The following ZCWPW1 variants were observed in gnomAD, a reference collection of about 807,000 sequenced individuals.
ZCWPW1 encodes zinc finger CW-type PWWP domain protein 1.
ZCWPW1 carries 56 observed loss-of-function variants against 81.3 expected under a neutral mutation model. The ratio of observed to expected loss-of-function variants is 0.69; its 90% CI spans 0.56 to 0.86. The LOEUF is 0.86. Ranked by LOEUF, ZCWPW1 falls within the 40% of genes least tolerant of loss-of-function variation. The pLI, the probability that ZCWPW1 is intolerant of heterozygous loss-of-function variation, is 0.00. For missense variants in ZCWPW1, 650 were observed against 769.8 expected (o/e 0.84, Z 1.84); for synonymous variants, 250 against 273.7 (o/e 0.91, Z 0.86).
At chr7:100,427,171 TCCTTCCCTCCCTCCTTCCTTCCTCCC>T (rs749857311) in intron 1 of ZCWPW1, among the ~76,000 whole-genome samples, 226 of 14,560 alleles carry the variant, frequency 0.016, 21 homozygotes, top group African/African-American at 0.026. Context: ...CTCTCTCTTC[TCCTTCCCTCCCTCCTTCCTTCCTCCC>T]CCTTCCCTCC....
At chr7:100,408,769 G>C (rs909458501) in intron 9 of ZCWPW1, 110 bp from the exon 10 acceptor site, 25 of 1,302,920 alleles carry the variant, frequency 1.9e-5, no homozygotes, top group Admixed American at 5.1e-5. Flanking sequence ...CAGCAGGTGG[G>C]ACCAAAGGGG....
intron 8 of ZCWPW1, 26 bp downstream of exon 8, chr7:100,415,949 A>G: frequency 6.2e-7 from 1 of 1,613,696 alleles, no homozygotes; most frequent in Non-Finnish European, 8.5e-7. Flanking sequence ...CAGGCCAAGT[A>G]GGTTTGCCAA....
Position 100,401,181 on chromosome 7 carries a change from G to T in ZCWPW1, c.1783C>A (p.Pro595Thr). Residue 595 changes from proline (P) to threonine (T), a missense_variant, in exon 18 of 18, where the codon CCC becomes ACC. Physicochemically the swap from Pro to Thr is conservative, Grantham distance 38. Coordinates refer to ENST00000684423, the MANE Select transcript of ZCWPW1 (RefSeq NM_001386010.1). ...SAKEEPRHRE[P>T]LTQEAGSVPL... ...ACACTTCCAGCCTCCTGGGTCAGGG[G>T]TTCCCGGTGTCTGGGCTCTTCTTTC... 2 of 1,614,228 alleles carry T rather than the reference G, an allele frequency of 1.2e-6. No homozygotes were observed. The highest frequency in any genetic ancestry group is 1.7e-6 in the Non-Finnish European group (2 of 1,180,032).
chr7:100,417,174 G>C lies in ZCWPW1; in HGVS notation c.371C>G (p.Ser124Cys). 6.2e-7 allele frequency: 1 copy of C among 1,613,016 alleles called. No individual in the cohort carries two copies. The change falls in exon 6 of 18, where the codon TCT (serine) becomes TGT (cysteine). Residue 124 changes from serine to cysteine, a missense_variant. Coordinates refer to ENST00000684423, the MANE Select transcript of ZCWPW1 (RefSeq NM_001386010.1). ...KSLQECLGMGSGLDFAETSCA... is the reference protein window; with the variant it reads ...KSLQECLGMGCGLDFAETSCA... Reference sequence around the variant, plus strand: ...AGAAGTCTCTGCAAAATCAAGGCCAGATCCCATCCCTCCCAAAACAAAATA... The same window carrying C: ...AGAAGTCTCTGCAAAATCAAGGCCACATCCCATCCCTCCCAAAACAAAATA...
chr7:100,419,153 TCTC>T lies in ZCWPW1; in HGVS notation c.316_318del (p.Glu106del). On this transcript the variant is annotated inframe_deletion, in exon 5 of 18. Coordinates refer to ENST00000684423, the MANE Select transcript of ZCWPW1 (RefSeq NM_001386010.1). The stretch of plus-strand genomic sequence containing the variant: ...GACTTCTGCAGAACAATCTGGACAA[TCTC>T]CTCAAATTCTGCATTGGTAAGACTT... The T allele has an allele frequency of 6.2e-7, 1 of 1,612,974 alleles. No individual in the cohort carries two copies. Among genetic ancestry groups the T allele is most frequent in the Non-Finnish European group, 8.5e-7 (1 of 1,179,534 alleles).
chr7:100,418,340 C>T (rs1048050819), intron 5 of ZCWPW1, among the ~76,000 whole-genome samples: 1 of 152,088 alleles, frequency 6.6e-6, no homozygotes, highest in Non-Finnish European at 1.5e-5. Context: ...TACATGGAAA[C>T]GAATTTTAAC....
chr7:100,416,231 C>A, intron 7 of ZCWPW1, 74 bp downstream of exon 7: 2 of 1,592,566 alleles, frequency 1.3e-6, no homozygotes, highest in South Asian at 2.2e-5. Context: ...TCTCAGCCTG[C>A]CCATGGTCCC....
intron 13 of ZCWPW1, among the ~76,000 whole-genome samples, chr7:100,404,586 C>T (rs1022130566): frequency 6.6e-6 from 1 of 152,158 alleles, no homozygotes; most frequent in Non-Finnish European, 1.5e-5. Flanking sequence ...TCTTGAACTC[C>T]TGGACTCAAT....
At chr7:100,418,250 C>T (rs1287111004) in intron 5 of ZCWPW1, among the ~76,000 whole-genome samples, 1 of 152,186 alleles carries the variant, frequency 6.6e-6, no homozygotes, top group Non-Finnish European at 1.5e-5. Context: ...GTATTAGAAA[C>T]TGAAATTTGC....
At chr7:100,413,300 G>A (rs537442988) in intron 8 of ZCWPW1, among the ~76,000 whole-genome samples, 8 of 152,148 alleles carry the variant, frequency 5.3e-5, no homozygotes, top group Non-Finnish European at 1.0e-4. Context: ...CCAGAGCCAC[G>A]TTCCCAACTT....
intron 8 of ZCWPW1, among the ~76,000 whole-genome samples, chr7:100,414,089 A>G (rs1794719567): frequency 6.6e-6 from 1 of 152,224 alleles, no homozygotes; most frequent in Admixed American, 6.5e-5. Context: ...CCCTTCGGGT[A>G]GTCTGAACTC....
At chr7:100,403,469 C>G (rs1792350603) in intron 15 of ZCWPW1, among the ~76,000 whole-genome samples, 1 of 151,844 alleles carries the variant, frequency 6.6e-6, no homozygotes, top group Admixed American at 6.5e-5. Flanking sequence ...CTTCCCTCGG[C>G]CTCCCAAAGT....
At position 100,406,735 on chromosome 7, in the gene ZCWPW1, G is replaced by T. The variant is rs754976331; in HGVS notation, c.1132C>A (p.Leu378Ile). The T allele has an allele frequency of 6.2e-7, 1 of 1,614,180 alleles. No individual in the cohort carries two copies. Among genetic ancestry groups the T allele is most frequent in the South Asian group, 1.1e-5 (1 of 91,078 alleles). ...VSRAWIPVNM[L>I]KNFQELSLEL... ...AGGGACAGCTCCTGGAAGTTCTTTA[G>T]CATGTTGACTGGGATCCATGCACGA... Residue 378 changes from leucine (L) to isoleucine (I), a missense_variant, in exon 12 of 18, where the codon CTA (leucine) becomes ATA (isoleucine). Physicochemically the swap from Leu to Ile is conservative, Grantham distance 5. Transcript: ENST00000684423.
chr7:100,423,435 C>T (rs1484417601), intron 2 of ZCWPW1, among the ~76,000 whole-genome samples: 2 of 152,164 alleles, frequency 1.3e-5, no homozygotes, highest in Non-Finnish European at 2.9e-5. Context: ...TGGCCAAACT[C>T]GTTCAAGGTG....
intron 2 of ZCWPW1, among the ~76,000 whole-genome samples, chr7:100,423,046 C>T (rs981268795): frequency 1.3e-5 from 2 of 152,130 alleles, no homozygotes; most frequent in Non-Finnish European, 2.9e-5. Flanking sequence ...GCCATTCTTA[C>T]TTTTATAACC....
chr7:100,400,903 C>G lies in ZCWPW1; in HGVS notation c.*111G>C, dbSNP rs1164071030. 1.0e-4 allele frequency: 128 copies of G among 1,221,178 alleles called. No individual in the cohort carries two copies. The highest frequency in any genetic ancestry group is 1.2e-4 in the Non-Finnish European group (112 of 906,722). The allele number at this position is 1,221,178 out of a possible 1,614,324, so 75.6% of individuals were successfully genotyped here. ...GTAACCTGCTTTATTAACACAGAAA[C>G]TGCACCACACACATTTGAACCTCAT... is the stretch of plus-strand genomic sequence containing the variant. On this transcript the variant is annotated 3_prime_UTR_variant, in exon 18 of 18. Transcript: ENST00000684423.
chr7:100,402,412 TG>T, intron 16 of ZCWPW1, 103 bp downstream of exon 16: 1 of 1,264,036 alleles, frequency 7.9e-7, no homozygotes, highest in Non-Finnish European at 1.2e-6. Flanking sequence ...TCTCAGGTCC[TG>T]GCACTGAGAT....
chr7:100,404,355 A>G lies in ZCWPW1; in HGVS notation c.1255-111T>C, dbSNP rs6958977. 9,286 of 968,608 alleles carry G rather than the reference A, an allele frequency of 9.6e-3. 617 individuals are homozygous for G. The African/African-American group carries it at 0.14, about 14-fold the overall frequency. The allele number at this position is 968,608 out of a possible 1,614,324, so 60.0% of individuals were successfully genotyped here. A position where few individuals can be genotyped will look rare whatever the true frequency, so the allele number is the denominator to read the frequency against. On this transcript the variant is annotated intron_variant, in intron 13 of 17. Transcript: ENST00000684423. ...GAAATTCTGATTCATTTTCCATACCAAAATTATCATTATTATTATTTTTGA... is the reference window on the plus strand; with the variant it reads ...GAAATTCTGATTCATTTTCCATACCGAAATTATCATTATTATTATTTTTGA...
At position 100,401,575 on chromosome 7, in the gene ZCWPW1, A is replaced by C. The variant is rs187709901; in HGVS notation, c.1628-239T>G. ...TCAGTTTTCTAATATCTAAAATGGG[A>C]ATATCCAGTGAGAGAGCTATTGAAA... On this transcript the variant is annotated intron_variant, in intron 17 of 17. Transcript: ENST00000684423. 1.4e-3 allele frequency among the ~76,000 whole-genome samples: 212 copies of C among 152,296 alleles called. 1 individual carries two copies. Among genetic ancestry groups the C allele is most frequent in the African/African-American group, 4.9e-3 (203 of 41,564 alleles).
Sources: gnomAD v4.1 joint callset for allele counts (sites outside exome capture counted in the v4.1 genomes callset) on GRCh38, gnomAD v4.1.1 for gene constraint, MANE v1.5 for transcripts, NCBI Gene and HGNC (gene_info 2026-07-23, HGNC 2026-07-21) for gene names.